ZKSCAN7: variants seen among roughly 807,000 people sequenced by gnomAD.
ZKSCAN7 encodes zinc finger protein with KRAB and SCAN domains 7.
In ZKSCAN7, 38 loss-of-function variants were observed where a neutral mutation model predicts 65.3. The observed-to-expected ratio is 0.58, with a 90% CI of 0.45 to 0.76. The LOEUF is 0.76. Among genes scored for constraint, ZKSCAN7 ranks in the 30% least tolerant of loss-of-function variants. The pLI, the probability that ZKSCAN7 is intolerant of heterozygous loss-of-function variation, is 0.00. For synonymous variants in ZKSCAN7, 321 were observed against 321.0 expected, an observed-to-expected ratio of 1.00 and a Z score of 0.00; for missense variants, 815 against 913.3, an observed-to-expected ratio of 0.89 and a Z score of 1.39.
intron 3 of ZKSCAN7, among the ~76,000 whole-genome samples, chr3:44,566,419 T>C (rs1470569414): frequency 2.0e-5 from 3 of 152,006 alleles, no homozygotes; most frequent in South Asian, 2.1e-4. Context: ...TAAAGGCTGG[T>C]GCGGTAGAAT....
chr3:44,562,519 C>T (rs578158701), intron 2 of ZKSCAN7, among the ~76,000 whole-genome samples: 23 of 152,326 alleles, frequency 1.5e-4, no homozygotes, highest in Admixed American at 3.3e-4. Flanking sequence ...CCCCAGAAAA[C>T]GGGTTTTTCT....
rs761358732 is a variant in ZKSCAN7 at position 44,570,550 on chromosome 3, C to A, written c.1440C>A (p.Ser480=). The A allele has an allele frequency of 1.9e-6, 3 of 1,612,270 alleles. No homozygotes were observed. The African/African-American group carries it at 4.0e-5, about 22-fold the overall frequency. ...GTGCAAAAGCCTTTACTCAGAGTTC[C>A]CGACTCACTGACCACCAGAGAACCC... ...NECAKAFTQS[S]RLTDHQRTHT... Residue 480 remains serine (S), a synonymous_variant, in exon 6 of 6, where the codon TCC becomes TCA. Transcript: ENST00000426540.
Position 44,556,964 on chromosome 3 carries a change from A to G in ZKSCAN7, c.-84A>G. 1.3e-6 allele frequency: 2 copies of G among 1,579,024 alleles called. No homozygotes were observed. The highest frequency in any genetic ancestry group is 1.7e-6 in the Non-Finnish European group (2 of 1,158,502). ...CCATCACCCCTTTCTCCAACCCTGA[A>G]AAACAGTTCCTGAGACCTGAACTAT... On this transcript the variant is annotated 5_prime_UTR_variant, in exon 2 of 6. Transcript: ENST00000426540.
rs376244622 is a variant in ZKSCAN7, at chr3:44,570,499, G to A, written c.1389G>A (p.Gly463=). The A allele has an allele frequency of 1.2e-6, 2 of 1,614,118 alleles. No individual in the cohort carries two copies. The highest frequency in any genetic ancestry group is 1.1e-5 in the South Asian group (1 of 91,074). ...TTCAACACCAGAGACTCCATAATGG[G>A]GAGAAACCCTATAAATGTAATGAAT... ...HLIQHQRLHN[G]EKPYKCNECA... Residue 463 remains glycine (G), a synonymous_variant, in exon 6 of 6, where the codon GGG becomes GGA. Transcript: ENST00000426540.
At position 44,558,196 on chromosome 3, in the gene ZKSCAN7, T is replaced by G. The variant is rs551914559; in HGVS notation, c.423+726T>G. Reference sequence around the variant, plus strand: ...AGGGGTGTGTGTGTGTGTGTGTGTGTGGGCATGGGCACACATGCATGTGCA... The same window carrying G: ...AGGGGTGTGTGTGTGTGTGTGTGTGGGGGCATGGGCACACATGCATGTGCA... On this transcript the variant is annotated intron_variant, in intron 2 of 5. Coordinates refer to ENST00000426540, the MANE Select transcript of ZKSCAN7 (RefSeq NM_001288590.2). Among the ~76,000 whole-genome samples the G allele has an allele frequency of 5.8e-4, 88 of 151,936 alleles. 1 individual carries two copies. The South Asian group carries it at 0.017, about 29-fold the overall frequency.
At chr3:44,563,647 C>T (rs1699547039) in intron 2 of ZKSCAN7, among the ~76,000 whole-genome samples, 1 of 48,460 alleles carries the variant, frequency 2.1e-5, no homozygotes, top group South Asian at 6.4e-4. Context: ...GAAATCTTCC[C>T]CCCCTACCCC....
rs140732053 is a variant in ZKSCAN7, at chr3:44,578,819, ATCT to A, written c.812-4146_812-4144del. ...CTGGTGCTGCCTCTGGAGATCTTCA[ATCT>A]TCTTCTGGTGCGTTTCTTCCATTGC... is the stretch of plus-strand genomic sequence containing the variant. On this transcript the variant is annotated intron_variant, in intron 5 of 5. Coordinates refer to the ZKSCAN7 transcript ENST00000341840. Among the ~76,000 whole-genome samples the A allele has an allele frequency of 5.2e-3, 790 of 152,240 alleles. 4 individuals are homozygous for A. The highest frequency in any genetic ancestry group is 0.018 in the African/African-American group (742 of 41,544).
rs992944992 is a variant in ZKSCAN7 at position 44,567,092 on chromosome 3, G to A, written c.593-820G>A. Reference sequence around the variant, plus strand: ...GATCATGCCACTGCACTGCAGCAGAGTGAGACTCTGTCTCAAAACAAAAAG... The same window carrying A: ...GATCATGCCACTGCACTGCAGCAGAATGAGACTCTGTCTCAAAACAAAAAG... On this transcript the variant is annotated intron_variant, in intron 3 of 5. Transcript: ENST00000426540. Among the ~76,000 whole-genome samples, 3 of 151,494 alleles carry A rather than the reference G, an allele frequency of 2.0e-5. No homozygotes were observed. In the East Asian group the frequency reaches 5.8e-4, roughly 29 times the overall value.
chr3:44,577,403 GTCC>G (rs1699943200), intron 5 of ZKSCAN7, among the ~76,000 whole-genome samples: 2 of 151,866 alleles, frequency 1.3e-5, no homozygotes, highest in Non-Finnish European at 2.9e-5. Context: ...ACAAAATGCT[GTCC>G]TCCTCCCAGG....
Position 44,568,360 on chromosome 3 carries a change from A to G in ZKSCAN7, c.738A>G (p.Lys246=). Residue 246 remains lysine (K), a synonymous_variant, in exon 5 of 6, where the codon AAA becomes AAG. Coordinates refer to ENST00000426540, the MANE Select transcript of ZKSCAN7 (RefSeq NM_001288590.2). ...TAGACTACACTCAGAAGAAATGGAA[A>G]AGTCTCACACTCAGTCAGAGAGCCC... is the stretch of plus-strand genomic sequence containing the variant. ...LSVDYTQKKW[K]SLTLSQRALQ... 6.2e-7 allele frequency: 1 copy of G among 1,614,154 alleles called. No homozygotes were observed. Among genetic ancestry groups the G allele is most frequent in the African/African-American group, 1.3e-5 (1 of 75,046 alleles).
chr3:44,579,360 G>A (rs949796584), intron 5 of ZKSCAN7, among the ~76,000 whole-genome samples: 11 of 152,164 alleles, frequency 7.2e-5, no homozygotes, highest in African/African-American at 1.2e-4. Flanking sequence ...CCGCCCACCC[G>A]CTCCTGATTC....
chr3:44,573,569 T>G (rs1049931522), downstream of ZKSCAN7, among the ~76,000 whole-genome samples: 2 of 152,198 alleles, frequency 1.3e-5, no homozygotes, highest in Admixed American at 1.3e-4. Context: ...TGTTTTCAAC[T>G]TTATATTTAG....
In ZKSCAN7 at chr3:44,572,042, C is replaced by G. The variant is rs535621540; in HGVS notation, c.*667C>G. 189 of 985,560 alleles carry G rather than the reference C, an allele frequency of 1.9e-4. 1 individual carries two copies. The highest frequency in any genetic ancestry group is 2.2e-4 in the Non-Finnish European group (180 of 830,144). 61.1% of individuals were successfully genotyped at this position (985,560 alleles called of 1,614,324 possible). A position where few individuals can be genotyped will look rare whatever the true frequency, so the allele number is the denominator to read the frequency against. Reference sequence around the variant, plus strand: ...TAATTGCCTTGTAAATTTTGCGTGTCTGTATACTTTTATACCAACTTATTG... The same window carrying G: ...TAATTGCCTTGTAAATTTTGCGTGTGTGTATACTTTTATACCAACTTATTG... On this transcript the variant is annotated 3_prime_UTR_variant, in exon 6 of 6. Transcript: ENST00000426540.
exon 6 of ZKSCAN7, chr3:44,583,365 A>G (rs1700137115): frequency 1.9e-5 from 3 of 154,494 alleles, no homozygotes; most frequent in African/African-American, 7.2e-5. Context: ...CAATCTCTAT[A>G]CAATGTGGCG....
Position 44,555,274 on chromosome 3 carries a change from G to C in ZKSCAN7, c.-326G>C, listed in dbSNP as rs1699256130. 1 of 152,276 alleles carries C rather than the reference G, an allele frequency of 6.6e-6. No individual in the cohort carries two copies. The highest frequency in any genetic ancestry group is 2.1e-4 in the South Asian group (1 of 4,836). The allele number at this position is 152,276 out of a possible 1,614,324, so 9.4% of individuals were successfully genotyped here. ...TGCCGAGTGCCACCGCGAGTGGGCC[G>C]AGACGCGGAGGGAGGCGCGGCCGGA... On this transcript the variant is annotated 5_prime_UTR_variant, in exon 1 of 6. Transcript: ENST00000426540.
At chr3:44,581,870 C>G (rs1157070904) in intron 5 of ZKSCAN7, among the ~76,000 whole-genome samples, 1 of 152,182 alleles carries the variant, frequency 6.6e-6, no homozygotes, top group Non-Finnish European at 1.5e-5. Flanking sequence ...TGGATGTTAA[C>G]AAGTTATTGA....
chr3:44,576,317 A>G (rs1279023301), downstream of ZKSCAN7, among the ~76,000 whole-genome samples: 2 of 152,162 alleles, frequency 1.3e-5, no homozygotes, highest in African/African-American at 4.8e-5. Flanking sequence ...CCTATCTCAG[A>G]TATCAAAGCC....
chr3:44,568,222 C>G (rs1470071146), intron 4 of ZKSCAN7, 85 bp from the exon 5 acceptor site: 4 of 1,569,300 alleles, frequency 2.5e-6, no homozygotes, highest in South Asian at 1.2e-5. Flanking sequence ...CCATGAAGAG[C>G]CCATACCCTG....
chr3:44,573,663 A>G (rs922353108), downstream of ZKSCAN7, among the ~76,000 whole-genome samples: 2 of 152,190 alleles, frequency 1.3e-5, no homozygotes, highest in African/African-American at 4.8e-5. Flanking sequence ...TCCCAGGGAC[A>G]AGCCCAACCC....
Sources: allele counts gnomAD v4.1 joint callset (sites outside exome capture counted in the v4.1 genomes callset), GRCh38; gene constraint gnomAD v4.1.1; transcripts MANE v1.5; gene names NCBI Gene and HGNC (gene_info 2026-07-23, HGNC 2026-07-21).